Variants in KLF8 observed in about 807,000 individuals in gnomAD.
KLF8 encodes Krueppel-like factor 8.
A neutral mutation model predicts 18.2 loss-of-function variants in KLF8; 10 were observed. The ratio of observed to expected loss-of-function variants is 0.55; its 90% CI spans 0.34 to 0.93. KLF8 has a LOEUF of 0.93. Among genes scored for constraint, KLF8 ranks in the 40% least tolerant of loss-of-function variants. The pLI is 0.02. For missense variants in KLF8, 264 were observed against 277.9 expected (o/e 0.95, Z 0.36); for synonymous variants, 109 against 97.3 (o/e 1.12, Z -0.71).
the KLF8 span, among the ~76,000 whole-genome samples, chrX:55,919,479 C>T: frequency 8.9e-6 from 1 of 111,759 alleles, no homozygotes; most frequent in Non-Finnish European, 1.9e-5. Context: ...GGGGCGAGTT[C>T]TCAGCCCTGG....
At chrX:56,059,854 A>G in the KLF8 span, among the ~76,000 whole-genome samples, 1 of 111,923 alleles carries the variant, frequency 8.9e-6, no homozygotes, top group Non-Finnish European at 1.9e-5. Flanking sequence ...TCGCTTCCAT[A>G]TGTAATTTAA....
chrX:55,908,638 C>A, the KLF8 span: 6 of 288,080 alleles, frequency 2.1e-5, no homozygotes, highest in East Asian at 2.9e-4. Flanking sequence ...GACTGTACAC[C>A]GGCCCTAGTC....
the KLF8 span, among the ~76,000 whole-genome samples, chrX:56,088,227 A>G: frequency 9.0e-6 from 1 of 111,597 alleles, no homozygotes; most frequent in Non-Finnish European, 1.9e-5. Flanking sequence ...AAAAATAAAA[A>G]CCCACCTTGA....
chrX:56,085,647 A>C, the KLF8 span, among the ~76,000 whole-genome samples: 1 of 112,447 alleles, frequency 8.9e-6, no homozygotes, highest in African/African-American at 3.2e-5. Flanking sequence ...TAACTAGAAA[A>C]CTGGGCATCC....
At chrX:56,061,282 G>C in the KLF8 span, among the ~76,000 whole-genome samples, 27 of 111,823 alleles carry the variant, frequency 2.4e-4, no homozygotes, top group South Asian at 9.3e-3. Context: ...GATCTTTCCT[G>C]CTTTCTCCTG....
chrX:56,058,279 CATATATATATATAT>C, the KLF8 span, among the ~76,000 whole-genome samples: 12 of 7,302 alleles, frequency 1.6e-3, no homozygotes, highest in Non-Finnish European at 2.5e-3. Flanking sequence ...CATATATATA[CATATATATATATAT>C]ATATATATAT....
At chrX:55,960,718 T>C in the KLF8 span, among the ~76,000 whole-genome samples, 4 of 111,942 alleles carry the variant, frequency 3.6e-5, no homozygotes, top group Non-Finnish European at 7.5e-5. Context: ...AATACCAGTA[T>C]GTGGCACCAC....
chrX:56,140,622 G>C, the KLF8 span, among the ~76,000 whole-genome samples: 41 of 110,156 alleles, frequency 3.7e-4, 1 homozygote, highest in South Asian at 0.016. Flanking sequence ...GGTGGGAAGA[G>C]GGTGAAGATC....
chrX:56,103,123 A>G, the KLF8 span, among the ~76,000 whole-genome samples: 6 of 109,672 alleles, frequency 5.5e-5, no homozygotes, highest in African/African-American at 2.0e-4. Flanking sequence ...GCCTTGTAGT[A>G]TAGTTTGAAG....
the KLF8 span, among the ~76,000 whole-genome samples, chrX:56,068,741 G>C: frequency 9.0e-6 from 1 of 111,333 alleles, no homozygotes; most frequent in Non-Finnish European, 1.9e-5. Flanking sequence ...ATGCATGCTA[G>C]AGCTTCCAGC....
the KLF8 span, among the ~76,000 whole-genome samples, chrX:56,184,433 C>A: frequency 8.9e-6 from 1 of 112,718 alleles, no homozygotes; most frequent in Admixed American, 9.4e-5. Flanking sequence ...TAGGCTCCAC[C>A]TCTGGGGGCA....
chrX:56,279,649 A>T (rs2067172129), intron 5 of KLF8, among the ~76,000 whole-genome samples: 1 of 111,463 alleles, frequency 9.0e-6, no homozygotes, highest in African/African-American at 3.3e-5. Flanking sequence ...GAGGCTAATG[A>T]AGCAATCCAG....
At chrX:56,171,188 A>G in the KLF8 span, among the ~76,000 whole-genome samples, 3 of 112,004 alleles carry the variant, frequency 2.7e-5, no homozygotes. Flanking sequence ...CAAAGAATCC[A>G]TCAAAAACTA....
At chrX:56,165,327 G>A in the KLF8 span, among the ~76,000 whole-genome samples, 2 of 112,220 alleles carry the variant, frequency 1.8e-5, no homozygotes, top group South Asian at 7.4e-4. Flanking sequence ...ACACAGCACA[G>A]CTGCTCTGCA....
chrX:56,182,729 G>T, the KLF8 span, among the ~76,000 whole-genome samples: 200 of 112,740 alleles, frequency 1.8e-3, 1 homozygote, highest in African/African-American at 6.2e-3. Flanking sequence ...GTTTGTAGGA[G>T]GTCCCCTCCA....
rs1042123366 is a variant in KLF8 at position 56,233,436 on chromosome X, C to T, written c.7+95C>T. ...CCCCCTGCTCCCCCCACACACCCCA[C>T]TTGGGGTTTCAGCAGTGGGGGCGGG... On this transcript the variant is annotated intron_variant, in intron 1 of 5. Transcript: ENST00000468660. 3 of 690,349 alleles carry T rather than the reference C, an allele frequency of 4.3e-6. No individual in the cohort carries two copies. The African/African-American group carries it at 6.3e-5, about 15-fold the overall frequency. 56.9% of individuals were successfully genotyped at this position (690,349 alleles called of 1,213,427 possible).
At chrX:55,991,306 C>A in the KLF8 span, among the ~76,000 whole-genome samples, 104 of 112,301 alleles carry the variant, frequency 9.3e-4, no homozygotes, top group African/African-American at 3.2e-3. Context: ...CTCCAAGCCA[C>A]GTGCGGGATA....
At chrX:56,098,703 T>G in the KLF8 span, among the ~76,000 whole-genome samples, 2 of 111,232 alleles carry the variant, frequency 1.8e-5, no homozygotes, top group East Asian at 2.8e-4. Context: ...TCTCACCACC[T>G]GAATCAACAT....
the KLF8 span, among the ~76,000 whole-genome samples, chrX:56,153,963 C>T: frequency 1.8e-5 from 2 of 111,629 alleles, no homozygotes; most frequent in African/African-American, 6.5e-5. Flanking sequence ...ATTCCATGCT[C>T]ATGAGTAGGA....
Sources: allele counts gnomAD v4.1 joint callset (sites outside exome capture counted in the v4.1 genomes callset), GRCh38; gene constraint gnomAD v4.1.1; transcripts MANE v1.5; gene names NCBI Gene and HGNC (gene_info 2026-07-23, HGNC 2026-07-21).